Variants in MAD1L1 observed in about 807,000 individuals in gnomAD.
MAD1L1 encodes mitotic spindle assembly checkpoint protein MAD1.
A neutral mutation model predicts 96.9 loss-of-function variants in MAD1L1; 95 were observed. The observed-to-expected ratio is 0.98, with a 90% CI of 0.83 to 1.16. The LOEUF (loss-of-function observed/expected upper bound fraction) is 1.16. MAD1L1 is among the 50% of genes most tolerant of loss of function. The pLI is 0.00. For missense variants in MAD1L1, 1,007 were observed against 954.4 expected, an observed-to-expected ratio of 1.06 and a Z score of -0.73; for synonymous variants, 473 against 396.6, an observed-to-expected ratio of 1.19 and a Z score of -2.29.
chr7:1,817,986 CCTGCCCTCCCCCT>C (rs904366597), intron 18 of MAD1L1, among the ~76,000 whole-genome samples: 2 of 137,986 alleles, frequency 1.4e-5, no homozygotes, highest in African/African-American at 2.9e-5. Context: ...GTGCCCTCCC[CCTGCCCTCCCCCT>C]GTTTCTGCTG....
intron 14 of MAD1L1, chr7:1,980,781 G>A: frequency 1.6e-6 from 1 of 623,142 alleles, no homozygotes; most frequent in Non-Finnish European, 3.1e-6. Flanking sequence ...CAGATGCACA[G>A]GCTCACGGTG....
rs184943382 is a variant in MAD1L1 at position 1,987,927 on chromosome 7, C to T, written c.1417-7386G>A. Among the ~76,000 whole-genome samples, 38 of 152,330 alleles carry T rather than the reference C, an allele frequency of 2.5e-4. No homozygotes were observed. The East Asian group carries it at 7.4e-3, about 30-fold the overall frequency. On this transcript the variant is annotated intron_variant, in intron 14 of 18. Transcript: ENST00000265854. ...CCCAGGCACGGGACCATGTCTGAAG[C>T]TCCGATCTCTGGGGCAGCCTACAGC... is the stretch of plus-strand genomic sequence containing the variant.
intron 10 of MAD1L1, among the ~76,000 whole-genome samples, chr7:2,211,102 G>A (rs1015195272): frequency 8.5e-5 from 13 of 152,302 alleles, no homozygotes; most frequent in East Asian, 3.9e-4. Flanking sequence ...GCTGCAGGGC[G>A]CCACACATGC....
chr7:1,829,306 G>A (rs868818526), intron 18 of MAD1L1, among the ~76,000 whole-genome samples: 8 of 152,200 alleles, frequency 5.3e-5, no homozygotes, highest in South Asian at 2.1e-4. Flanking sequence ...CACAGCAGCC[G>A]TGACTTCTGC....
intron 18 of MAD1L1, among the ~76,000 whole-genome samples, chr7:1,893,762 A>C (rs1186436257): frequency 6.6e-6 from 1 of 152,198 alleles, no homozygotes; most frequent in Non-Finnish European, 1.5e-5. Flanking sequence ...ACTGAGTCTC[A>C]CAGGAGTGCA....
chr7:2,068,509 C>A (rs12333585), intron 12 of MAD1L1, among the ~76,000 whole-genome samples: 1 of 152,168 alleles, frequency 6.6e-6, no homozygotes, highest in South Asian at 2.1e-4. Flanking sequence ...CACAGCCCTC[C>A]GCCCACTCAG....
At chr7:1,993,774 A>G (rs900197029) in intron 14 of MAD1L1, among the ~76,000 whole-genome samples, 1 of 152,230 alleles carries the variant, frequency 6.6e-6, no homozygotes, top group African/African-American at 2.4e-5. Flanking sequence ...AAAACTGAAA[A>G]GGCTGGGTCC....
intron 18 of MAD1L1, among the ~76,000 whole-genome samples, chr7:1,892,159 G>A (rs770573186): frequency 1.2e-4 from 18 of 152,166 alleles, no homozygotes; most frequent in Admixed American, 6.5e-4. Flanking sequence ...TTAGCACTGC[G>A]CCACGGTGGT....
At chr7:2,028,479 C>T (rs1051442360) in intron 12 of MAD1L1, among the ~76,000 whole-genome samples, 1 of 151,700 alleles carries the variant, frequency 6.6e-6, no homozygotes, top group African/African-American at 2.4e-5. Flanking sequence ...TATAGTACGT[C>T]CATGGATTAG....
intron 16 of MAD1L1, among the ~76,000 whole-genome samples, chr7:1,947,935 G>A (rs1045082261): frequency 1.8e-4 from 28 of 152,340 alleles, no homozygotes; most frequent in Admixed American, 1.6e-3. Flanking sequence ...ATGGATGGGA[G>A]AGGGCAGCCT....
At chr7:1,955,895 A>C (rs1224969156) in intron 16 of MAD1L1, among the ~76,000 whole-genome samples, 1 of 151,728 alleles carries the variant, frequency 6.6e-6, no homozygotes, top group African/African-American at 2.4e-5. Context: ...CAGGCTGATA[A>C]GAACAGATGA....
At chr7:2,167,987 T>A (rs976972537) in intron 10 of MAD1L1, among the ~76,000 whole-genome samples, 1 of 150,524 alleles carries the variant, frequency 6.6e-6, no homozygotes, top group Non-Finnish European at 1.5e-5. Context: ...GATTGCAGAG[T>A]AAAGAACAGT....
chr7:1,887,732 T>A (rs1437661107), intron 18 of MAD1L1, among the ~76,000 whole-genome samples: 1 of 150,888 alleles, frequency 6.6e-6, no homozygotes, highest in African/African-American at 2.4e-5. Context: ...CATGCATGTA[T>A]GTGGCTTCCT....
chr7:1,945,120 A>G (rs1035736851), intron 16 of MAD1L1, among the ~76,000 whole-genome samples: 13 of 152,094 alleles, frequency 8.5e-5, no homozygotes, highest in Admixed American at 8.5e-4. Context: ...AGAGCAGGGA[A>G]GCAGCACGGT....
chr7:1,909,238 G>A (rs113941266), intron 17 of MAD1L1, among the ~76,000 whole-genome samples: 1 of 152,220 alleles, frequency 6.6e-6, no homozygotes, highest in African/African-American at 2.4e-5. Context: ...AGCCAGTGGA[G>A]GCCCAGGGCT....
chr7:2,017,619 G>A (rs553393637), intron 12 of MAD1L1, among the ~76,000 whole-genome samples: 1 of 152,320 alleles, frequency 6.6e-6, no homozygotes, highest in East Asian at 1.9e-4. Context: ...GTGGGGAAGG[G>A]CACTCCAATC....
chr7:1,888,385 CGT>C (rs1211918419), intron 18 of MAD1L1, among the ~76,000 whole-genome samples: 39 of 94,182 alleles, frequency 4.1e-4, no homozygotes, highest in East Asian at 1.8e-3. Flanking sequence ...GCTGCCTATG[CGT>C]GTGTGTGCAT....
chr7:1,914,128 C>T (rs946538049), intron 17 of MAD1L1, among the ~76,000 whole-genome samples: 3 of 152,204 alleles, frequency 2.0e-5, no homozygotes, highest in African/African-American at 7.2e-5. Context: ...CTCTGCCACA[C>T]GCCCTCACTG....
At chr7:2,015,652 G>A (rs1039070055) in intron 12 of MAD1L1, among the ~76,000 whole-genome samples, 4 of 152,232 alleles carry the variant, frequency 2.6e-5, no homozygotes, top group African/African-American at 9.6e-5. Context: ...GGTCTCAGAC[G>A]CTGAGTCTGG....
Sources: gnomAD v4.1 joint callset for allele counts (sites outside exome capture counted in the v4.1 genomes callset) on GRCh38, gnomAD v4.1.1 for gene constraint, MANE v1.5 for transcripts, NCBI Gene and HGNC (gene_info 2026-07-23, HGNC 2026-07-21) for gene names.